Variants in CEP120 observed in about 807,000 individuals in gnomAD.
The protein encoded by CEP120 is centrosomal protein of 120 kDa.
A neutral mutation model predicts 126.5 loss-of-function variants in CEP120; 113 were observed. The observed-to-expected ratio is 0.89, with a 90% CI of 0.77 to 1.04. CEP120 has a LOEUF of 1.04. Ranked by LOEUF, CEP120 falls within the 50% of genes least tolerant of loss-of-function variation. The probability of loss-of-function intolerance (pLI) is 0.00; values close to 1 mark genes in which losing one functional copy is unlikely to be tolerated. For missense variants in CEP120, 1,230 were observed against 1,155.7 expected (o/e 1.06, Z -0.93); for synonymous variants, 400 against 394.3 (o/e 1.01, Z -0.17).
At chr5:123,352,540 C>G (rs7735212) in intron 18 of CEP120, among the ~76,000 whole-genome samples, 61,954 of 151,750 alleles carry the variant, frequency 0.41, 12,711 homozygotes, top group East Asian at 0.47. Flanking sequence ...TCTGGATGCT[C>G]TAAACTGATC....
rs756542064 is a variant in CEP120, at chr5:123,377,518, C to T, written c.2214G>A (p.Lys738=). Reference sequence around the variant, plus strand: ...TCCGCTGACGTTCTGATTGCAGTTCCTTTTTTTCTCTTTGAAGCTTAAAAC... The same window carrying T: ...TCCGCTGACGTTCTGATTGCAGTTCTTTTTTTTCTCTTTGAAGCTTAAAAC... The part of the protein sequence containing the change: ...SVESELQREK[K]ELQSERQRNL... The change falls in exon 16 of 20, where the codon AAG becomes AAA. Residue 738 remains lysine, a synonymous_variant. Coordinates refer to ENST00000306467, the MANE Select transcript of CEP120 (RefSeq NM_001375405.1). The T allele has an allele frequency of 6.3e-7, 1 of 1,583,234 alleles. No individual in the cohort carries two copies. The highest frequency in any genetic ancestry group is 2.0e-5 in the Admixed American group (1 of 49,118).
intron 5 of CEP120, among the ~76,000 whole-genome samples, chr5:123,398,237 A>AG (rs1389540915): frequency 2.0e-5 from 3 of 152,106 alleles, no homozygotes; most frequent in Admixed American, 6.5e-5. Context: ...ATGGCAGAGG[A>AG]GGGAAAAAAA....
chr5:123,369,362 G>C (rs1770691937), intron 17 of CEP120, among the ~76,000 whole-genome samples: 1 of 152,008 alleles, frequency 6.6e-6, no homozygotes, highest in African/African-American at 2.4e-5. Flanking sequence ...AATAAGTACA[G>C]AGAAGTAAAC....
intron 1 of CEP120, chr5:123,422,554 C>A: frequency 5.2e-6 from 8 of 1,535,410 alleles, no homozygotes; most frequent in Non-Finnish European, 6.1e-6. Context: ...GCCTCCGGAA[C>A]ACTTCTGGAA....
In CEP120 at chr5:123,345,716, G is replaced by A. The variant is rs1768764053; in HGVS notation, c.*803C>T. ...TTTTCACTCTATTTTTTCAGCTAAT[G>A]TCTTTATGTGTCTGTTTCCATGTTC... On this transcript the variant is annotated 3_prime_UTR_variant, in exon 20 of 20. Coordinates refer to ENST00000306467, the MANE Select transcript of CEP120 (RefSeq NM_001375405.1). 1 of 152,112 alleles carries A rather than the reference G, an allele frequency of 6.6e-6. No homozygotes were observed. The highest frequency in any genetic ancestry group is 1.5e-5 in the Non-Finnish European group (1 of 67,998). 9.4% of individuals were successfully genotyped at this position (152,112 alleles called of 1,614,324 possible). A position where few individuals can be genotyped will look rare whatever the true frequency, so the allele number is the denominator to read the frequency against.
At chr5:123,403,840 T>C (rs1379423190) in intron 4 of CEP120, 3 of 264,228 alleles carry the variant, frequency 1.1e-5, no homozygotes, top group South Asian at 3.7e-5. Flanking sequence ...TTCAAGGTCA[T>C]GGAAAGATCA....
intron 3 of CEP120, among the ~76,000 whole-genome samples, chr5:123,415,227 T>C (rs944603282): frequency 1.3e-5 from 2 of 152,002 alleles, no homozygotes; most frequent in African/African-American, 4.8e-5. Context: ...CAGCTGAGTT[T>C]GGGGTGGCAG....
At chr5:123,374,996 A>G (rs1285297027) in intron 16 of CEP120, among the ~76,000 whole-genome samples, 1 of 152,102 alleles carries the variant, frequency 6.6e-6, no homozygotes, top group Non-Finnish European at 1.5e-5. Context: ...CTTCATCTTC[A>G]TCAGCTCTCA....
At position 123,349,594 on chromosome 5, in the gene CEP120, T is replaced by A. The variant is rs138793786; in HGVS notation, c.2726+350A>T. ...GCTGAATGGACTTGCCATAGCTGTA[T>A]TCACAGGAAAAAAAAAGTTTAATAG... On this transcript the variant is annotated intron_variant, in intron 19 of 19. Transcript: ENST00000306467. Among the ~76,000 whole-genome samples, 648 of 152,280 alleles carry A rather than the reference T, an allele frequency of 4.3e-3. 5 individuals are homozygous for A. Among genetic ancestry groups the A allele is most frequent in the African/African-American group, 0.015 (616 of 41,560 alleles).
At chr5:123,349,176 G>A (rs1331294680) in intron 19 of CEP120, among the ~76,000 whole-genome samples, 1 of 152,134 alleles carries the variant, frequency 6.6e-6, no homozygotes, top group Non-Finnish European at 1.5e-5. Context: ...CTACAGAGAA[G>A]CCCAGTGTAG....
rs1319935198 is a variant in CEP120 at position 123,401,724 on chromosome 5, T to C, written c.464-2440A>G. 4.6e-6 allele frequency: 6 copies of C among 1,311,522 alleles called. No individual in the cohort carries two copies. In the East Asian group the frequency reaches 1.2e-4, roughly 25 times the overall value. The allele number at this position is 1,311,522 out of a possible 1,614,324, so 81.2% of individuals were successfully genotyped here. A position where few individuals can be genotyped will look rare whatever the true frequency, so the allele number is the denominator to read the frequency against. The stretch of plus-strand genomic sequence containing the variant: ...TCCAGGCGAGACTCCAGCTCTACCT[T>C]GTTAATGTAAGCTTCATCCACAATC... On this transcript the variant is annotated intron_variant, in intron 4 of 19. Coordinates refer to ENST00000306467, the MANE Select transcript of CEP120 (RefSeq NM_001375405.1).
intron 3 of CEP120, 27 bp downstream of exon 3, chr5:123,415,983 A>G: frequency 1.4e-6 from 2 of 1,420,146 alleles, no homozygotes; most frequent in South Asian, 2.3e-5. Context: ...TAACATAATC[A>G]TTAGCAAAAC....
chr5:123,422,407 A>C (rs1314955104), intron 1 of CEP120: 2 of 1,064,568 alleles, frequency 1.9e-6, no homozygotes, highest in Non-Finnish European at 1.4e-6. Context: ...TTACATTCCC[A>C]GCACAGTGTC....
chr5:123,391,378 TCTC>T (rs1203617774), intron 6 of CEP120, 41 bp from the exon 7 acceptor site: 5 of 1,386,446 alleles, frequency 3.6e-6, no homozygotes, highest in Non-Finnish European at 5.1e-6. Flanking sequence ...CTTTATACTT[TCTC>T]CTTTCTCCTA....
chr5:123,409,485 C>G (rs1773895678), intron 4 of CEP120, among the ~76,000 whole-genome samples: 1 of 152,110 alleles, frequency 6.6e-6, no homozygotes, highest in Non-Finnish European at 1.5e-5. Flanking sequence ...TCATCAGGTA[C>G]AAGACAAGGA....
chr5:123,405,397 A>G (rs1017745526), intron 4 of CEP120, among the ~76,000 whole-genome samples: 2 of 152,234 alleles, frequency 1.3e-5, no homozygotes, highest in Non-Finnish European at 2.9e-5. Context: ...TAGGGAAGAG[A>G]AAAGAAACCA....
intron 4 of CEP120, among the ~76,000 whole-genome samples, chr5:123,408,252 A>C (rs906377834): frequency 1.3e-5 from 2 of 152,200 alleles, no homozygotes; most frequent in Non-Finnish European, 2.9e-5. Context: ...AGTAAGCAGA[A>C]GATAATAATA....
intron 5 of CEP120, among the ~76,000 whole-genome samples, chr5:123,394,374 T>C (rs1404652455): frequency 1.3e-5 from 2 of 152,184 alleles, no homozygotes; most frequent in South Asian, 2.1e-4. Context: ...TCATTAGGCA[T>C]TGGATTCTCA....
chr5:123,378,393 T>C lies in CEP120; in HGVS notation c.2139A>G (p.Gln713=). The change falls in exon 15 of 20, where the codon CAA becomes CAG. Residue 713 remains glutamine (Q), a synonymous_variant. Coordinates refer to ENST00000306467, the MANE Select transcript of CEP120 (RefSeq NM_001375405.1). The stretch of plus-strand genomic sequence containing the variant: ...GCTTCTCCAAGTCAATTAGAGTTTT[T>C]TGAAGTTTTCCTTCTAGAATAGTAT... ...AEYTILEGKL[Q]KTLIDLEKRE... 1 of 1,608,490 alleles carries C rather than the reference T, an allele frequency of 6.2e-7. No homozygotes were observed. Among genetic ancestry groups the C allele is most frequent in the Non-Finnish European group, 8.5e-7 (1 of 1,177,766 alleles).
Sources: gnomAD v4.1 joint callset for allele counts (sites outside exome capture counted in the v4.1 genomes callset) on GRCh38, gnomAD v4.1.1 for gene constraint, MANE v1.5 for transcripts, NCBI Gene and HGNC (gene_info 2026-07-23, HGNC 2026-07-21) for gene names.